GALK1: variants seen among roughly 807,000 people sequenced by gnomAD.
The protein encoded by GALK1 is galactokinase 1, also known as galactokinase.
A neutral mutation model predicts 38.6 loss-of-function variants in GALK1; 30 were observed. The observed-to-expected ratio is 0.78, with a 90% CI of 0.58 to 1.05. The LOEUF (loss-of-function observed/expected upper bound fraction) is 1.05. Ranked by LOEUF, GALK1 falls within the 50% of genes least tolerant of loss-of-function variation. GALK1 has a pLI of 0.00. For missense variants in GALK1, 512 were observed against 540.5 expected, an observed-to-expected ratio of 0.95 and a Z score of 0.52; for synonymous variants, 240 against 233.6, an observed-to-expected ratio of 1.03 and a Z score of -0.25.
intron 5 of GALK1, 94 bp from the exon 6 acceptor site, chr17:75,758,693 C>A (rs745891969): frequency 1.3e-6 from 2 of 1,491,634 alleles, no homozygotes; most frequent in African/African-American, 1.4e-5. Flanking sequence ...GTGGCCCTGG[C>A]TGGACGGTGA....
chr17:75,753,690 C>A (rs1026936012), downstream of GALK1: 88 of 1,027,704 alleles, frequency 8.6e-5, no homozygotes, highest in Non-Finnish European at 1.0e-4. Context: ...GCAGAGCCTA[C>A]GGCCTTCCCC....
At chr17:75,753,813 G>C (rs945809279), downstream of GALK1, 3 of 1,465,922 alleles carry the variant, frequency 2.0e-6, no homozygotes, top group Non-Finnish European at 2.7e-6. Context: ...CTGGACCTGC[G>C]GCGCGTCACG....
At chr17:75,757,398 A>G (rs777166389), downstream of GALK1, 9 of 1,612,796 alleles carry the variant, frequency 5.6e-6, no homozygotes, top group South Asian at 1.1e-5. Context: ...AGGTCATCTA[A>G]TGCCTCCTCC....
rs763195503 is a variant in GALK1, at chr17:75,758,119, G to A, written c.1116C>T (p.Tyr372=). 7.7e-5 allele frequency: 124 copies of A among 1,612,560 alleles called. No individual in the cohort carries two copies. Among genetic ancestry groups the A allele is most frequent in the Middle Eastern group, 1.6e-4 (1 of 6,082 alleles). ...AGAGGTAGAAGGTGGCAGTCCCGCC[G>A]TAGTGCTCCTGTAAGAGGCGGGCTG... The part of the protein sequence containing the change: ...PHAMRHIQEH[Y]GGTATFYLSQ... Residue 372 remains tyrosine, a synonymous_variant, in exon 8 of 8, where the codon TAC becomes TAT. Coordinates refer to ENST00000588479, the MANE Select transcript of GALK1 (RefSeq NM_000154.2).
downstream of GALK1, chr17:75,755,601 G>T (rs1024946119): frequency 2.7e-6 from 4 of 1,480,866 alleles, no homozygotes; most frequent in Non-Finnish European, 2.8e-6. Flanking sequence ...GGTCAGTGTA[G>T]ACATGCCAGC....
downstream of GALK1, chr17:75,754,479 A>T: frequency 6.6e-7 from 1 of 1,518,052 alleles, no homozygotes; most frequent in Non-Finnish European, 9.1e-7. Context: ...AAAGCCACCC[A>T]GAGGGTGGGT....
In GALK1 at chr17:75,758,139, G is replaced by A. The variant is rs755467791; in HGVS notation, c.1108-12C>T. ...CCGCCGTAGTGCTCCTGTAAGAGGC[G>A]GGCTGGGGGTGAGTGGCAGGGCCCC... On this transcript the variant is annotated splice_polypyrimidine_tract_variant and intron_variant, in intron 7 of 7. Coordinates refer to ENST00000588479, the MANE Select transcript of GALK1 (RefSeq NM_000154.2). 1.1e-5 allele frequency: 18 copies of A among 1,612,332 alleles called. No individual in the cohort carries two copies. The East Asian group carries it at 2.2e-4, about 20-fold the overall frequency.
chr17:75,757,125 C>A, downstream of GALK1: 1 of 1,612,914 alleles, frequency 6.2e-7, no homozygotes. Context: ...CCTGTCCTTT[C>A]CTTCACCCCC....
chr17:75,761,681 T>A (rs1294771246), intron 5 of GALK1, among the ~76,000 whole-genome samples: 7 of 80,994 alleles, frequency 8.6e-5, no homozygotes, highest in African/African-American at 2.0e-4. Flanking sequence ...TGGCATAAGA[T>A]AAGATAGGGT....
chr17:75,765,188 G>A lies in GALK1; in HGVS notation c.-52C>T, dbSNP rs1334249122. 1 of 1,374,560 alleles carries A rather than the reference G, an allele frequency of 7.3e-7. No individual in the cohort carries two copies. The allele number at this position is 1,374,560 out of a possible 1,614,324, so 85.1% of individuals were successfully genotyped here. ...TGCTCCGGCACAGCCCCGTCGGCGC[G>A]GGATGCTCGGGCGGGGCCCCGCGCG... On this transcript the variant is annotated 5_prime_UTR_variant, in exon 1 of 8. Coordinates refer to ENST00000588479, the MANE Select transcript of GALK1 (RefSeq NM_000154.2).
chr17:75,763,969 C>A lies in GALK1; in HGVS notation c.283G>T (p.Ala95Ser). ...PQRLQFPLPT[A>S]QRSLEPGTPR... ...GTCCCAGGCTCCAGCGAGCGCTGGGCTGTGGGCAGTGGAAACTGCAGCCGC... is the reference window on the plus strand; with the variant it reads ...GTCCCAGGCTCCAGCGAGCGCTGGGATGTGGGCAGTGGAAACTGCAGCCGC... The change falls in exon 2 of 8, where the codon GCC (alanine) becomes TCC (serine). Residue 95 changes from alanine (A) to serine (S), a missense_variant. Physicochemically the swap from Ala to Ser is moderately conservative, Grantham distance 99. Coordinates refer to ENST00000588479, the MANE Select transcript of GALK1 (RefSeq NM_000154.2). 1 of 1,613,160 alleles carries A rather than the reference C, an allele frequency of 6.2e-7. No individual in the cohort carries two copies. Among genetic ancestry groups the A allele is most frequent in the Non-Finnish European group, 8.5e-7 (1 of 1,179,928 alleles).
chr17:75,753,887 G>A (rs780999071), downstream of GALK1: 9 of 1,317,048 alleles, frequency 6.8e-6, no homozygotes, highest in South Asian at 4.6e-5. Context: ...CTCCGACGCC[G>A]AGGCGCCCCA....
intron 2 of GALK1, chr17:75,763,672 AG>A: frequency 7.2e-6 from 5 of 689,868 alleles, no homozygotes; most frequent in Non-Finnish European, 1.2e-5. Flanking sequence ...AGGGCTCTGG[AG>A]GGAAAAAAGG....
Position 75,765,192 on chromosome 17 carries a change from T to G in GALK1, c.-56A>C, listed in dbSNP as rs2143609067. On this transcript the variant is annotated 5_prime_UTR_variant, in exon 1 of 8. Transcript: ENST00000588479. ...CCGGCACAGCCCCGTCGGCGCGGGATGCTCGGGCGGGGCCCCGCGCGGGGG... is the reference window on the plus strand; with the variant it reads ...CCGGCACAGCCCCGTCGGCGCGGGAGGCTCGGGCGGGGCCCCGCGCGGGGG... 2 of 1,370,818 alleles carry G rather than the reference T, an allele frequency of 1.5e-6. No homozygotes were observed. Among genetic ancestry groups the G allele is most frequent in the African/African-American group, 3.1e-5 (2 of 65,542 alleles). 84.9% of individuals were successfully genotyped at this position (1,370,818 alleles called of 1,614,324 possible).
intron 1 of GALK1, chr17:75,764,488 C>G (rs2061602036): frequency 1.9e-6 from 1 of 525,666 alleles, no homozygotes; most frequent in African/African-American, 1.9e-5. Context: ...TCCTCACTCC[C>G]AAGTCGCAGC....
At chr17:75,756,649 C>G, downstream of GALK1, 1 of 1,613,018 alleles carries the variant, frequency 6.2e-7, no homozygotes, top group Non-Finnish European at 8.5e-7. Flanking sequence ...CAGAGCTGCC[C>G]CCATCATGCC....
Position 75,764,989 on chromosome 17 carries a change from C to G in GALK1, c.148G>C (p.Gly50Arg). Residue 50 changes from glycine to arginine, a missense_variant, in exon 1 of 8, where the codon GGC (glycine) becomes CGC (arginine). Gly to Arg is a moderately radical substitution (Grantham distance 125). Transcript: ENST00000588479. ...CCCCTCACCATAGGCAGCACCAGGC[C>G]CTGGTTGTAGTCCGTGTGTTCCCCG... Reference protein sequence around the residue: ...LIGEHTDYNQGLVLPMALELM... With the variant: ...LIGEHTDYNQRLVLPMALELM... 6.2e-7 allele frequency: 1 copy of G among 1,610,094 alleles called. No homozygotes were observed. The highest frequency in any genetic ancestry group is 1.1e-5 in the South Asian group (1 of 90,702).
Position 75,758,223 on chromosome 17 carries a change from A to C in GALK1, c.1094T>G (p.Met365Arg). The change falls in exon 7 of 8, where the codon ATG (methionine) becomes AGG (arginine). Residue 365 changes from methionine (M) to arginine (R), a missense_variant. Met to Arg is a moderately conservative substitution (Grantham distance 91). Coordinates refer to ENST00000588479, the MANE Select transcript of GALK1 (RefSeq NM_000154.2). ...GTGCCCGCCCACCTGGATGTGCCGCATGGCGTGGGGAGCAGCGGAGGCCTC... is the reference window on the plus strand; with the variant it reads ...GTGCCCGCCCACCTGGATGTGCCGCCTGGCGTGGGGAGCAGCGGAGGCCTC... The part of the protein sequence containing the change: ...LLEASAAPHA[M>R]RHIQEHYGGT... 1 of 1,606,064 alleles carries C rather than the reference A, an allele frequency of 6.2e-7. No homozygotes were observed. Among genetic ancestry groups the C allele is most frequent in the South Asian group, 1.1e-5 (1 of 90,224 alleles).
At chr17:75,762,570 C>G (rs1027911873) in intron 5 of GALK1, 134 bp downstream of exon 5, 2 of 898,806 alleles carry the variant, frequency 2.2e-6, no homozygotes, top group African/African-American at 3.3e-5. Flanking sequence ...CCTGGGTGCG[C>G]AGTGTTTGAA....
Sources: allele counts gnomAD v4.1 joint callset (sites outside exome capture counted in the v4.1 genomes callset), GRCh38; gene constraint gnomAD v4.1.1; transcripts MANE v1.5; gene names NCBI Gene and HGNC (gene_info 2026-07-23, HGNC 2026-07-21).